Variants in MCM2 observed in about 807,000 individuals in gnomAD.
The protein encoded by MCM2 is minichromosome maintenance complex component 2.
A neutral mutation model predicts 86.4 loss-of-function variants in MCM2; 49 were observed. The observed-to-expected ratio is 0.57, with a 90% CI of 0.45 to 0.72. MCM2 has a LOEUF of 0.72. MCM2 is among the 30% of genes least tolerant of loss of function. The pLI is 0.00. For synonymous variants in MCM2, 475 were observed against 484.6 expected, an observed-to-expected ratio of 0.98 and a Z score of 0.26; for missense variants, 1,038 against 1,259.9, an observed-to-expected ratio of 0.82 and a Z score of 2.67.
chr3:127,603,279 A>C (rs1360830154), intron 2 of MCM2, among the ~76,000 whole-genome samples: 1 of 151,938 alleles, frequency 6.6e-6, no homozygotes, highest in Non-Finnish European at 1.5e-5. Flanking sequence ...GATTACAAGC[A>C]TGAGCTACTG....
In MCM2 at chr3:127,618,067, G is replaced by A. The variant is rs2307311; in HGVS notation, c.1999G>A (p.Val667Met). 1,810 of 1,613,826 alleles carry A rather than the reference G, an allele frequency of 1.1e-3. 37 individuals carry two copies. The East Asian group carries it at 0.035, about 31-fold the overall frequency. ...FDILCVVRDT[V>M]DPVQDEMLAR... ...CATCCTGTGTGTGGTGAGGGACACC[G>A]TGGACCCAGTCCAGGTATAGCTCAC... The change falls in exon 12 of 16, where the codon GTG becomes ATG. Residue 667 changes from valine to methionine, a missense_variant. This residue lies in a region of MCM2 where 336 missense variants were observed against 425.7 expected (regional missense o/e 0.79). Transcript: ENST00000265056. The surrounding 1 kb of genome is among the most constrained non-coding windows in gnomAD (Gnocchi z 4.0).
intron 6 of MCM2, 113 bp from the exon 7 acceptor site, chr3:127,608,269 C>T (rs1321093942): frequency 1.7e-5 from 23 of 1,364,820 alleles, no homozygotes; most frequent in East Asian, 1.4e-4. Flanking sequence ...GTCTTTGGCT[C>T]TCCATTTGCC....
At chr3:127,608,603 T>C (rs1180281320) in intron 7 of MCM2, 87 bp downstream of exon 7, 6 of 1,548,816 alleles carry the variant, frequency 3.9e-6, no homozygotes, top group Non-Finnish European at 4.4e-6. Flanking sequence ...GCGGTGTCTA[T>C]GGTCGCAGGG....
chr3:127,618,878 C>T lies in MCM2; in HGVS notation c.2014-149C>T. On this transcript the variant is annotated intron_variant, in intron 12 of 15. Transcript: ENST00000265056. This position sits in a 1 kb window ranked among gnomAD's most constrained non-coding sequence, Gnocchi z 4.0. The stretch of plus-strand genomic sequence containing the variant: ...CCCATTGTCTGGTTTGCCACCCACA[C>T]CCAGAACTGCCTGGCACATGGTCAG... 1 of 931,542 alleles carries T rather than the reference C, an allele frequency of 1.1e-6. No homozygotes were observed. The highest frequency in any genetic ancestry group is 3.0e-5 in the Admixed American group (1 of 33,284). 57.7% of individuals were successfully genotyped at this position (931,542 alleles called of 1,614,324 possible).
At chr3:127,612,789 A>G (rs2074409236) in intron 8 of MCM2, among the ~76,000 whole-genome samples, 1 of 152,196 alleles carries the variant, frequency 6.6e-6, no homozygotes, top group African/African-American at 2.4e-5. Flanking sequence ...AGGAAGCAGC[A>G]CACCTAGAGC....
chr3:127,612,983 G>T (rs1319416782), intron 8 of MCM2, among the ~76,000 whole-genome samples: 4 of 152,194 alleles, frequency 2.6e-5, no homozygotes, highest in African/African-American at 9.7e-5. Context: ...TCTGGGATTT[G>T]ATTCTGCCCC....
At chr3:127,607,798 C>G (rs1228728465) in intron 6 of MCM2, among the ~76,000 whole-genome samples, 2 of 152,214 alleles carry the variant, frequency 1.3e-5, no homozygotes, top group Non-Finnish European at 2.9e-5. Context: ...GTTTAGAGAA[C>G]TGGCTGAGGT....
rs747444963 is a variant in MCM2 at position 127,621,166 on chromosome 3, C to T, written c.2542C>T (p.Arg848Cys). The T allele has an allele frequency of 2.8e-5, 45 of 1,614,072 alleles. No individual in the cohort carries two copies. Among genetic ancestry groups the T allele is most frequent in the Non-Finnish European group, 4.2e-6 (5 of 1,180,042 alleles). Residue 848 changes from arginine to cysteine, a missense_variant, in exon 15 of 16, where the codon CGC (arginine) becomes TGC (cysteine). By Grantham distance (180) the Arg-to-Cys change is radical. This residue lies in a region of MCM2 where 336 missense variants were observed against 425.7 expected (regional missense o/e 0.79). Coordinates refer to ENST00000265056, the MANE Select transcript of MCM2 (RefSeq NM_004526.4). ...AGTGGCAGAGCAGGTGACATATCAG[C>T]GCAACCGCTTTGGGGCCCAGCAGGA... ...QLVAEQVTYQRNRFGAQQDTI... is the reference protein window; with the variant it reads ...QLVAEQVTYQCNRFGAQQDTI...
rs2074429398 is a variant in MCM2, at chr3:127,615,899, A to T, written c.1466A>T (p.Glu489Val). ...ATTGCTCCTTCCATCTATGGTCATG[A>T]AGACATCAAGAGAGGCCTGGCTCTG... ...ASIAPSIYGH[E>V]DIKRGLALAL... Residue 489 changes from glutamate to valine, a missense_variant, in exon 9 of 16, where the codon GAA becomes GTA. By Grantham distance (121) the Glu-to-Val change is moderately radical. Transcript: ENST00000265056. 6.2e-7 allele frequency: 1 copy of T among 1,614,022 alleles called. No individual in the cohort carries two copies. The highest frequency in any genetic ancestry group is 8.5e-7 in the Non-Finnish European group (1 of 1,180,032).
In MCM2 at chr3:127,617,345, G is replaced by T. The variant is rs1201337088; in HGVS notation, c.1840G>T (p.Ala614Ser). The T allele has an allele frequency of 2.5e-6, 4 of 1,613,996 alleles. No individual in the cohort carries two copies. The highest frequency in any genetic ancestry group is 1.7e-6 in the Non-Finnish European group (2 of 1,180,016). ...MEQQSISISK[A>S]GIVTSLQARC... ...GCAACAGAGCATCTCCATCTCGAAG[G>T]CTGGCATCGTCACCTCCCTGCAGGC... The change falls in exon 11 of 16, where the codon GCT (alanine) becomes TCT (serine). Residue 614 changes from alanine (A) to serine (S), a missense_variant. This residue lies in a region of MCM2 where 336 missense variants were observed against 425.7 expected (regional missense o/e 0.79). Transcript: ENST00000265056. The surrounding 1 kb of genome is among the most constrained non-coding windows in gnomAD (Gnocchi z 4.1).
intron 8 of MCM2, chr3:127,610,864 G>A (rs1276708418): frequency 2.2e-6 from 1 of 456,744 alleles, no homozygotes; most frequent in Non-Finnish European, 4.4e-6. Context: ...AGTCTGCGAA[G>A]ATCTGGGGTT....
intron 2 of MCM2, among the ~76,000 whole-genome samples, chr3:127,603,655 T>C (rs777628059): frequency 9.9e-5 from 15 of 151,192 alleles, no homozygotes; most frequent in Non-Finnish European, 1.9e-4. Flanking sequence ...CTGGGTTATT[T>C]TTTTTTTCTT....
In MCM2 at chr3:127,606,902, G is replaced by T. The variant is rs2074356272; in HGVS notation, c.1101+85G>T. 4 of 1,357,168 alleles carry T rather than the reference G, an allele frequency of 2.9e-6. No individual in the cohort carries two copies. The highest frequency in any genetic ancestry group is 1.2e-5 in the South Asian group (1 of 83,840). The allele number at this position is 1,357,168 out of a possible 1,614,324, so 84.1% of individuals were successfully genotyped here. A position where few individuals can be genotyped will look rare whatever the true frequency, so the allele number is the denominator to read the frequency against. ...CTGACTGGCCTCTCAGGCTGTGGAA[G>T]ACCAGTGTGGGCAGCCGCAAGAAGC... is the stretch of plus-strand genomic sequence containing the variant. On this transcript the variant is annotated intron_variant, in intron 6 of 15. Transcript: ENST00000265056. The surrounding 1 kb of genome is among the most constrained non-coding windows in gnomAD (Gnocchi z 4.2).
In MCM2 at chr3:127,608,367, G is replaced by A; in HGVS notation, c.1102-15G>A. 1.9e-6 allele frequency: 3 copies of A among 1,613,586 alleles called. No homozygotes were observed. The South Asian group carries it at 3.3e-5, about 18-fold the overall frequency. On this transcript the variant is annotated splice_polypyrimidine_tract_variant and intron_variant, in intron 6 of 15. Coordinates refer to ENST00000265056, the MANE Select transcript of MCM2 (RefSeq NM_004526.4). ...GTAAGTCAGTGATTTGAGGCCTTCT[G>A]TGTGTCCCTCGCAGACCATCTATCA...
rs566091875 is a variant in MCM2 at position 127,598,437 on chromosome 3, T to C, written c.-30T>C. ...TTTTCGCGCGAAACCTGGTTGTTGC[T>C]GTAGTGGCGGAGAGGATCGTGGTAC... On this transcript the variant is annotated 5_prime_UTR_variant, in exon 1 of 16. Transcript: ENST00000265056. 42 of 1,613,488 alleles carry C rather than the reference T, an allele frequency of 2.6e-5. 1 individual carries two copies. Among genetic ancestry groups the C allele is most frequent in the Middle Eastern group, 1.6e-4 (1 of 6,062 alleles).
Position 127,617,988 on chromosome 3 carries a change from G to A in MCM2, c.1920G>A (p.Ser640=), listed in dbSNP as rs777062602. Residue 640 remains serine, a synonymous_variant, in exon 12 of 16, where the codon TCG becomes TCA. Coordinates refer to ENST00000265056, the MANE Select transcript of MCM2 (RefSeq NM_004526.4). The surrounding 1 kb of genome is among the most constrained non-coding windows in gnomAD (Gnocchi z 4.1). ...ANPIGGRYDP[S]LTFSENVDLT... ...TTTCAGGAGGGCGCTACGACCCCTC[G>A]CTGACTTTCTCTGAGAACGTGGACC... 71 of 1,613,900 alleles carry A rather than the reference G, an allele frequency of 4.4e-5. 1 individual carries two copies. The South Asian group carries it at 5.6e-4, about 13-fold the overall frequency.
At chr3:127,619,674 A>G (rs13078702) in intron 13 of MCM2, among the ~76,000 whole-genome samples, 31,247 of 151,330 alleles carry the variant, frequency 0.21, 3,941 homozygotes, top group Middle Eastern at 0.43. Flanking sequence ...GTGAGACTCC[A>G]TCTCAAAAAC....
Position 127,609,035 on chromosome 3 carries a change from G to T in MCM2, c.1428+12G>T, listed in dbSNP as rs755893464. 33 of 1,612,186 alleles carry T rather than the reference G, an allele frequency of 2.0e-5. No individual in the cohort carries two copies. Among genetic ancestry groups the T allele is most frequent in the Non-Finnish European group, 2.7e-5 (32 of 1,179,626 alleles). On this transcript the variant is annotated intron_variant, in intron 8 of 15. Coordinates refer to ENST00000265056, the MANE Select transcript of MCM2 (RefSeq NM_004526.4). ...AGATCGGAGAGAAGGTAGGTGGAAG[G>T]CAGGGGCAGGGGCTGTCAGGATGCT...
rs139973267 is a variant in MCM2, at chr3:127,604,913, G to C, written c.430G>C (p.Glu144Gln). 1 of 1,612,344 alleles carries C rather than the reference G, an allele frequency of 6.2e-7. No homozygotes were observed. The highest frequency in any genetic ancestry group is 1.7e-5 in the Admixed American group (1 of 59,764). Residue 144 changes from glutamate (E) to glutamine (Q), a missense_variant, in exon 4 of 16, where the codon GAG (glutamate) becomes CAG (glutamine). Glu to Gln is a conservative substitution (Grantham distance 29, BLOSUM62 2). Coordinates refer to ENST00000265056, the MANE Select transcript of MCM2 (RefSeq NM_004526.4). ...CTCCCCAGACAGCGATGAGGAGGAC[G>C]AGGAGCGCCCTGCCCGCAAGCGCCG... ...GLLYDSDEED[E>Q]ERPARKRRQV...
Sources: gnomAD v4.1 joint callset for allele counts (sites outside exome capture counted in the v4.1 genomes callset) on GRCh38, gnomAD v4.1.1 for gene constraint, gnomAD v4.1.1 regional missense constraint, Gnocchi (gnomAD v3.1) non-coding constraint, MANE v1.5 for transcripts, NCBI Gene and HGNC (gene_info 2026-07-23, HGNC 2026-07-21) for gene names.